The following FRMPD4 variants were observed in gnomAD, a reference collection of about 807,000 sequenced individuals.
FRMPD4 encodes FERM and PDZ domain containing 4.
In FRMPD4, 22 loss-of-function variants were observed where a neutral mutation model predicts 94.1. That is an observed-to-expected ratio of 0.23 (90% CI 0.17 to 0.33). The LOEUF is 0.33. Among genes scored for constraint, FRMPD4 ranks in the 10% least tolerant of loss-of-function variants. The pLI is 1.00. For missense variants in FRMPD4, 1,111 were observed against 1,339.9 expected, an observed-to-expected ratio of 0.83 and a Z score of 2.67; for synonymous variants, 631 against 548.6, an observed-to-expected ratio of 1.15 and a Z score of -2.10.
chrX:12,501,299 T>C (rs1423351718), intron 2 of FRMPD4, among the ~76,000 whole-genome samples: 1 of 112,574 alleles, frequency 8.9e-6, no homozygotes, highest in African/African-American at 3.2e-5. Context: ...ATCCATGTGG[T>C]TTCATTTTAC....
intron 1 of FRMPD4, among the ~76,000 whole-genome samples, chrX:12,384,678 T>A (rs1230016234): frequency 9.2e-6 from 1 of 108,315 alleles, no homozygotes; most frequent in Non-Finnish European, 1.9e-5. Flanking sequence ...CTCTGTGCCC[T>A]TTTTCACAAT....
intron 3 of FRMPD4, among the ~76,000 whole-genome samples, chrX:12,111,681 G>A (rs748746475): frequency 9.0e-6 from 1 of 111,722 alleles, no homozygotes; most frequent in Non-Finnish European, 1.9e-5. Flanking sequence ...TCTGACAAAG[G>A]GCTGCTATCC....
intron 1 of FRMPD4, among the ~76,000 whole-genome samples, chrX:12,239,713 C>T (rs1429255461): frequency 8.9e-6 from 1 of 111,778 alleles, no homozygotes; most frequent in Non-Finnish European, 1.9e-5. Context: ...ACAGTTATTT[C>T]TCACAGTTTT....
At chrX:12,581,387 AGAT>A (rs769842477) in intron 2 of FRMPD4, among the ~76,000 whole-genome samples, 169 of 111,617 alleles carry the variant, frequency 1.5e-3, no homozygotes, top group African/African-American at 5.4e-3. Flanking sequence ...ATAAATGAAA[AGAT>A]AGGCAATCTC....
At chrX:12,392,073 G>A (rs757925069) in intron 1 of FRMPD4, among the ~76,000 whole-genome samples, 5 of 108,860 alleles carry the variant, frequency 4.6e-5, no homozygotes, top group South Asian at 4.2e-4. Context: ...TCGTTCTGTC[G>A]CCCAGGCTGC....
At chrX:12,096,470 C>G (rs2055203206) in intron 3 of FRMPD4, among the ~76,000 whole-genome samples, 1 of 111,711 alleles carries the variant, frequency 9.0e-6, no homozygotes. Flanking sequence ...ATTTTCTACT[C>G]CCCCCTTATC....
At chrX:12,676,188 G>A (rs1174190329) in intron 5 of FRMPD4, among the ~76,000 whole-genome samples, 2 of 112,167 alleles carry the variant, frequency 1.8e-5, no homozygotes, top group East Asian at 2.8e-4. Context: ...TATAACAAAC[G>A]AGTCAGCAGT....
chrX:12,338,051 G>T (rs186257364), intron 1 of FRMPD4, among the ~76,000 whole-genome samples: 79 of 112,170 alleles, frequency 7.0e-4, no homozygotes, highest in Non-Finnish European at 1.2e-3. Flanking sequence ...GGAATGGGGG[G>T]AACACTGTGT....
chrX:12,131,089 TG>T, intron 3 of FRMPD4, among the ~76,000 whole-genome samples: 2 of 111,772 alleles, frequency 1.8e-5, no homozygotes, highest in Middle Eastern at 9.3e-3. Flanking sequence ...GGCAGACTTT[TG>T]GTATGTGCCT....
In FRMPD4 at chrX:12,470,877, A is replaced by G. The variant is rs143329356; in HGVS notation, c.42-27803A>G. Among the ~76,000 whole-genome samples, 651 of 111,677 alleles carry G rather than the reference A, an allele frequency of 5.8e-3. 7 individuals are homozygous for G. The highest frequency in any genetic ancestry group is 0.021 in the African/African-American group (634 of 30,741). ...ATACTGAAAACAAATTCAGAAACCT[A>G]GCTTTAGGCTTCTAAGCCCTCATTG... On this transcript the variant is annotated intron_variant, in intron 1 of 16. Coordinates refer to ENST00000675598, the MANE Select transcript of FRMPD4 (RefSeq NM_001368397.1).
intron 1 of FRMPD4, among the ~76,000 whole-genome samples, chrX:12,331,659 A>T (rs1471528602): frequency 2.6e-5 from 2 of 76,194 alleles, no homozygotes; most frequent in Non-Finnish European, 4.6e-5. Flanking sequence ...ATATTTATAT[A>T]ATATATAAAT....
chrX:12,170,860 C>T (rs55727510), intron 1 of FRMPD4, among the ~76,000 whole-genome samples: 28,939 of 112,162 alleles, frequency 0.26, 3,002 homozygotes, highest in Non-Finnish European at 0.35. Context: ...TCTAGAAACC[C>T]CTTGTTGGGT....
chrX:12,720,074 GAA>G (rs771666012), intron 16 of FRMPD4, among the ~76,000 whole-genome samples: 7,972 of 98,225 alleles, frequency 0.081, 488 homozygotes, highest in East Asian at 0.35. Flanking sequence ...AAGAAAGAAA[GAA>G]AGAAAGAGAA....
intron 1 of FRMPD4, among the ~76,000 whole-genome samples, chrX:12,182,573 A>T (rs1323417741): frequency 2.8e-5 from 3 of 108,465 alleles, no homozygotes; most frequent in South Asian, 4.0e-4. Flanking sequence ...TAAATAAATA[A>T]ATAAATATAT....
rs961453465 is a variant in FRMPD4 at position 12,380,655 on chromosome X, G to A, written c.42-118025G>A. 5.3e-5 allele frequency among the ~76,000 whole-genome samples: 6 copies of A among 112,199 alleles called. No individual in the cohort carries two copies. In the South Asian group the frequency reaches 1.1e-3, roughly 21 times the overall value. Reference sequence around the variant, plus strand: ...GCAATAATCATTTCTTTGAGGACCCGACCTTGCGTTGCCTGTTAAAACAGC... The same window carrying A: ...GCAATAATCATTTCTTTGAGGACCCAACCTTGCGTTGCCTGTTAAAACAGC... On this transcript the variant is annotated intron_variant, in intron 1 of 16. Coordinates refer to ENST00000675598, the MANE Select transcript of FRMPD4 (RefSeq NM_001368397.1).
At chrX:12,196,558 C>T (rs2056569466) in intron 1 of FRMPD4, among the ~76,000 whole-genome samples, 1 of 109,089 alleles carries the variant, frequency 9.2e-6, no homozygotes, top group Admixed American at 9.9e-5. Context: ...CTTAAAAGAG[C>T]CAGTTAAGTG....
chrX:12,618,973 C>T (rs1472513493), intron 4 of FRMPD4, among the ~76,000 whole-genome samples: 5 of 111,622 alleles, frequency 4.5e-5, no homozygotes, highest in African/African-American at 6.5e-5. Flanking sequence ...CAGATGCTAA[C>T]ATTGAAGAGT....
chrX:12,714,987 A>G (rs1030572323), intron 14 of FRMPD4, among the ~76,000 whole-genome samples: 1 of 112,366 alleles, frequency 8.9e-6, no homozygotes, highest in Non-Finnish European at 1.9e-5. Flanking sequence ...CGGGGAGCAA[A>G]AATCTCTTAG....
chrX:12,093,292 G>A (rs2055170297), intron 3 of FRMPD4, among the ~76,000 whole-genome samples: 1 of 111,379 alleles, frequency 9.0e-6, no homozygotes, highest in Non-Finnish European at 1.9e-5. Context: ...GCAGAGTTGA[G>A]AAGAGAGTGT....
Sources: allele counts gnomAD v4.1 joint callset (sites outside exome capture counted in the v4.1 genomes callset), GRCh38; gene constraint gnomAD v4.1.1; transcripts MANE v1.5; gene names NCBI Gene and HGNC (gene_info 2026-07-23, HGNC 2026-07-21).